The following HMCN1 variants were observed in gnomAD, a reference collection of about 807,000 sequenced individuals.
HMCN1 encodes the protein hemicentin 1, also known as hemicentin-1.
HMCN1 carries 321 observed loss-of-function variants against 625.9 expected under a neutral mutation model. The observed-to-expected ratio is 0.51, with a 90% CI of 0.47 to 0.56. The LOEUF is 0.56. Among genes scored for constraint, HMCN1 ranks in the 20% least tolerant of loss-of-function variants. The pLI, the probability that HMCN1 is intolerant of heterozygous loss-of-function variation, is 0.00. For synonymous variants in HMCN1, 2,425 were observed against 2,417.6 expected (o/e 1.00, Z -0.09); for missense variants, 6,588 against 6,887.3 (o/e 0.96, Z 1.54).
chr1:185,741,275 C>T (rs1246266387), intron 1 of HMCN1, among the ~76,000 whole-genome samples: 2 of 152,056 alleles, frequency 1.3e-5, no homozygotes, highest in Non-Finnish European at 2.9e-5. Flanking sequence ...TGGACTAAGA[C>T]AAGTAAATAG....
rs1245120411 is a variant in HMCN1, at chr1:185,891,607, ATTCTT to A, written c.622-17723_622-17719del. ...CTGGATATGAAATTCTGGGTTGAAA[ATTCTT>A]TTCTTTAAGAAAGTTGAATATTGGC... On this transcript the variant is annotated intron_variant, in intron 4 of 106. Coordinates refer to ENST00000271588, the MANE Select transcript of HMCN1 (RefSeq NM_031935.3). Among the ~76,000 whole-genome samples the A allele has an allele frequency of 9.5e-5, 14 of 147,698 alleles. 2 individuals carry two copies. Among genetic ancestry groups the A allele is most frequent in the East Asian group, 1.9e-4 (1 of 5,180 alleles).
rs947238364 is a variant in HMCN1, at chr1:186,117,939, G to A, written c.11848+316G>A. On this transcript the variant is annotated intron_variant, in intron 77 of 106. Transcript: ENST00000271588. ...ACAAATTCCCGAGTTACCTGTGAGT[G>A]AATCACACTTCTTTCATTGGCCAAA... Among the ~76,000 whole-genome samples the A allele has an allele frequency of 9.2e-5, 14 of 152,134 alleles. No homozygotes were observed. In the East Asian group the frequency reaches 2.7e-3, roughly 29 times the overall value.
chr1:185,853,850 A>C (rs13374445), intron 2 of HMCN1, among the ~76,000 whole-genome samples: 56,167 of 152,074 alleles, frequency 0.37, 12,876 homozygotes, highest in African/African-American at 0.65. Flanking sequence ...AATTTCTTTT[A>C]AAAGTGTGCA....
chr1:186,023,218 C>T, intron 36 of HMCN1, 65 bp downstream of exon 36: 8 of 1,375,326 alleles, frequency 5.8e-6, no homozygotes, highest in East Asian at 2.4e-5. Context: ...ATAGTGGGCT[C>T]ATTTTTATTG....
intron 1 of HMCN1, among the ~76,000 whole-genome samples, chr1:185,771,157 G>A (rs534322330): frequency 9.9e-5 from 15 of 152,284 alleles, no homozygotes; most frequent in African/African-American, 3.4e-4. Context: ...TTTTATGTGT[G>A]CTAAAAATGA....
chr1:185,847,202 C>A (rs961450262), intron 2 of HMCN1, among the ~76,000 whole-genome samples: 2 of 152,090 alleles, frequency 1.3e-5, no homozygotes, highest in Non-Finnish European at 2.9e-5. Context: ...AAGGCATAAC[C>A]TCATTCCTGA....
chr1:186,150,494 C>G (rs1185995387), intron 93 of HMCN1, among the ~76,000 whole-genome samples: 1 of 152,136 alleles, frequency 6.6e-6, no homozygotes, highest in Non-Finnish European at 1.5e-5. Context: ...GGCAAAAGCA[C>G]AGTCTCTCTC....
intron 43 of HMCN1, 117 bp downstream of exon 43, chr1:186,053,191 C>T: frequency 1.1e-6 from 1 of 899,214 alleles, no homozygotes; most frequent in Non-Finnish European, 1.8e-6. Flanking sequence ...ATACTAAATG[C>T]TAGACAGCAA....
intron 1 of HMCN1, among the ~76,000 whole-genome samples, chr1:185,813,180 A>T (rs1224908649): frequency 6.6e-6 from 1 of 152,200 alleles, no homozygotes; most frequent in Non-Finnish European, 1.5e-5. Context: ...ATGAATGAAT[A>T]AGTATACTTA....
chr1:186,078,305 G>A (rs530596163), intron 55 of HMCN1, 85 bp downstream of exon 55: 204 of 930,958 alleles, frequency 2.2e-4, no homozygotes, highest in South Asian at 3.2e-4. Context: ...TACACTAAGC[G>A]CTTTTGAGAC....
intron 66 of HMCN1, 54 bp downstream of exon 66, chr1:186,093,723 G>T (rs1164126042): frequency 3.7e-6 from 6 of 1,605,220 alleles, no homozygotes; most frequent in Non-Finnish European, 5.1e-6. Flanking sequence ...TGTGATTGTA[G>T]ACTTTTCCTT....
At chr1:185,811,129 G>A (rs1659488539) in intron 1 of HMCN1, among the ~76,000 whole-genome samples, 1 of 152,050 alleles carries the variant, frequency 6.6e-6, no homozygotes, top group African/African-American at 2.4e-5. Flanking sequence ...CTTACATATA[G>A]GACTTAAGAT....
In HMCN1 at chr1:185,982,265, C is replaced by T. The variant is rs1342874924; in HGVS notation, c.2666C>T (p.Ala889Val). 7.4e-6 allele frequency: 12 copies of T among 1,613,830 alleles called. No homozygotes were observed. Among genetic ancestry groups the T allele is most frequent in the South Asian group, 6.6e-5 (6 of 91,072 alleles). Residue 889 changes from alanine to valine, a missense_variant, in exon 18 of 107, where the codon GCT (alanine) becomes GTT (valine). Physicochemically the swap from Ala to Val is moderately conservative, Grantham distance 64 (BLOSUM62 0). Transcript: ENST00000271588. ...ETTVTVTGLVAPLIGISPSVA... is the reference protein window; with the variant it reads ...ETTVTVTGLVVPLIGISPSVA... ...CCTGTGCTCTCTCTTGATTTAGTTGCTCCACTTATTGGAATCAGCCCTTCA... is the reference window on the plus strand; with the variant it reads ...CCTGTGCTCTCTCTTGATTTAGTTGTTCCACTTATTGGAATCAGCCCTTCA...
chr1:185,952,447 G>A (rs1054718729), intron 11 of HMCN1, among the ~76,000 whole-genome samples: 5 of 151,630 alleles, frequency 3.3e-5, no homozygotes, highest in Admixed American at 6.6e-5. Flanking sequence ...GGGGACAGGT[G>A]GGAGGGAAAG....
chr1:185,892,244 C>T (rs1052439801), intron 4 of HMCN1, among the ~76,000 whole-genome samples: 1 of 150,916 alleles, frequency 6.6e-6, no homozygotes, highest in Admixed American at 6.6e-5. Flanking sequence ...AACTTCTTTG[C>T]CTTCGGTTTG....
intron 25 of HMCN1, among the ~76,000 whole-genome samples, 190 bp from the exon 26 acceptor site, chr1:185,999,855 C>T (rs889621230): frequency 3.3e-5 from 5 of 152,016 alleles, no homozygotes; most frequent in South Asian, 2.1e-4. Context: ...TAAGACCCAC[C>T]GGGATTTAGA....
At chr1:185,798,887 T>C (rs6692479) in intron 1 of HMCN1, among the ~76,000 whole-genome samples, 52,571 of 151,972 alleles carry the variant, frequency 0.35, 10,480 homozygotes, top group African/African-American at 0.54. Flanking sequence ...ACAAGAATTT[T>C]ATTTTGATTA....
chr1:186,110,009 T>G (rs1055183739), intron 71 of HMCN1, among the ~76,000 whole-genome samples: 1 of 152,176 alleles, frequency 6.6e-6, no homozygotes, highest in African/African-American at 2.4e-5. Context: ...CCAAGTGATG[T>G]CAATCCTAGG....
intron 1 of HMCN1, among the ~76,000 whole-genome samples, chr1:185,774,572 T>C (rs1211514646): frequency 6.6e-6 from 1 of 152,164 alleles, no homozygotes; most frequent in African/African-American, 2.4e-5. Flanking sequence ...AATAAATGAA[T>C]TGCTGAGCTG....
Sources: gnomAD v4.1 joint callset for allele counts (sites outside exome capture counted in the v4.1 genomes callset) on GRCh38, gnomAD v4.1.1 for gene constraint, MANE v1.5 for transcripts, NCBI Gene and HGNC (gene_info 2026-07-23, HGNC 2026-07-21) for gene names.